Variants in CHST8 observed in about 807,000 individuals in gnomAD.
CHST8 encodes the protein GALNAC-4-ST1.
CHST8 carries 10 observed loss-of-function variants against 15.0 expected under a neutral mutation model. The observed-to-expected ratio is 0.67, with a 90% CI of 0.41 to 1.13. The LOEUF (loss-of-function observed/expected upper bound fraction) is 1.13. Among genes scored for constraint, CHST8 ranks in the 50% most tolerant of loss-of-function variants. The probability of loss-of-function intolerance (pLI) is 0.00; values close to 1 mark genes in which losing one functional copy is unlikely to be tolerated. For missense variants in CHST8, 634 were observed against 608.2 expected (o/e 1.04, Z -0.45); for synonymous variants, 259 against 256.6 (o/e 1.01, Z -0.09).
At chr19:33,687,143 C>A (rs539874574) in intron 2 of CHST8, among the ~76,000 whole-genome samples, 91 of 152,370 alleles carry the variant, frequency 6.0e-4, no homozygotes, top group South Asian at 2.7e-3. Flanking sequence ...GGGCTGGCCC[C>A]GGTGGGGCTG....
intron 3 of CHST8, among the ~76,000 whole-genome samples, chr19:33,766,206 C>A (rs1234295113): frequency 6.6e-6 from 1 of 151,980 alleles, no homozygotes; most frequent in Admixed American, 6.6e-5. Context: ...TCCTTCTCCC[C>A]TCCTCCACCT....
chr19:33,673,460 G>A (rs890656807), intron 2 of CHST8, among the ~76,000 whole-genome samples: 1 of 152,170 alleles, frequency 6.6e-6, no homozygotes, highest in Non-Finnish European at 1.5e-5. Context: ...GCCAGAGAAT[G>A]TGTAGGACAG....
Position 33,757,458 on chromosome 19 carries a change from GA to G in CHST8, c.131-13952del, listed in dbSNP as rs1568358486. On this transcript the variant is annotated intron_variant, in intron 3 of 4. Transcript: ENST00000650847. ...AGAAAGAAAGAAAGAAAGAAAGAAAGAAAGAAAGAAAGAAAGAAAGAAAGAA... is the reference window on the plus strand; with the variant it reads ...AGAAAGAAAGAAAGAAAGAAAGAAAGAAGAAAGAAAGAAAGAAAGAAAGAA... 1.4e-3 allele frequency among the ~76,000 whole-genome samples: 51 copies of G among 36,734 alleles called. 9 individuals carry two copies. Among genetic ancestry groups the G allele is most frequent in the Non-Finnish European group, 2.6e-3 (46 of 17,922 alleles). 24.1% of individuals were successfully genotyped at this position (36,734 alleles called of 152,430 possible). A position where few individuals can be genotyped will look rare whatever the true frequency, so the allele number is the denominator to read the frequency against.
intron 3 of CHST8, among the ~76,000 whole-genome samples, chr19:33,706,522 T>C (rs1290177195): frequency 1.3e-5 from 2 of 152,170 alleles, no homozygotes; most frequent in East Asian, 3.8e-4. Flanking sequence ...CAATGTCACC[T>C]GCCAGGTCAT....
In CHST8 at chr19:33,626,337, G is replaced by A. The variant is rs577836747; in HGVS notation, c.-164+4041G>A. On this transcript the variant is annotated intron_variant, in intron 1 of 4. Coordinates refer to ENST00000650847, the MANE Select transcript of CHST8 (RefSeq NM_001127895.2). Reference sequence around the variant, plus strand: ...ACTCAGCAATGCAGCCTGGGCCACCGAGAGACTGGGGAAGCCTCCGTGCAG... The same window carrying A: ...ACTCAGCAATGCAGCCTGGGCCACCAAGAGACTGGGGAAGCCTCCGTGCAG... Among the ~76,000 whole-genome samples, 5 of 152,192 alleles carry A rather than the reference G, an allele frequency of 3.3e-5. No homozygotes were observed. In the East Asian group the frequency reaches 5.8e-4, roughly 18 times the overall value.
chr19:33,703,528 G>C (rs747850531), intron 3 of CHST8, among the ~76,000 whole-genome samples: 1 of 152,234 alleles, frequency 6.6e-6, no homozygotes, highest in Admixed American at 6.5e-5. Context: ...GGCCAAATGC[G>C]TGGGTCGGTA....
chr19:33,710,699 CCAAT>C (rs1174102538), intron 3 of CHST8, among the ~76,000 whole-genome samples: 1 of 152,132 alleles, frequency 6.6e-6, no homozygotes, highest in Non-Finnish European at 1.5e-5. Context: ...ATGGAATTTT[CCAAT>C]CAATCAATGT....
In CHST8 at chr19:33,726,425, G is replaced by T. The variant is rs144603676; in HGVS notation, c.130+37034G>T. 1.3e-3 allele frequency among the ~76,000 whole-genome samples: 204 copies of T among 152,270 alleles called. 2 individuals carry two copies. In the Middle Eastern group the frequency reaches 0.027, roughly 20 times the overall value. On this transcript the variant is annotated intron_variant, in intron 3 of 4. Transcript: ENST00000650847. Reference sequence around the variant, plus strand: ...ATAATACAAAAATTAGCATGGTGGCGCATGCCTGTAGTCCCAGCTACTCAG... The same window carrying T: ...ATAATACAAAAATTAGCATGGTGGCTCATGCCTGTAGTCCCAGCTACTCAG...
At chr19:33,752,149 G>C (rs1251070655) in intron 3 of CHST8, among the ~76,000 whole-genome samples, 1 of 152,198 alleles carries the variant, frequency 6.6e-6, no homozygotes, top group African/African-American at 2.4e-5. Context: ...CCAGCTGCCT[G>C]AGCCCGGGAG....
rs1329115287 is a variant in CHST8, at chr19:33,773,358, C to T, written c.*295C>T. The stretch of plus-strand genomic sequence containing the variant: ...TTTTGATGAGCAGGGAAGTCTGAGG[C>T]CCAGAGGACGGGGGGCCCAGCGGTA... On this transcript the variant is annotated 3_prime_UTR_variant, in exon 5 of 5. Transcript: ENST00000650847. 2.3e-6 allele frequency: 1 copy of T among 440,310 alleles called. No individual in the cohort carries two copies. The highest frequency in any genetic ancestry group is 4.0e-6 in the Non-Finnish European group (1 of 247,312). 27.3% of individuals were successfully genotyped at this position (440,310 alleles called of 1,614,324 possible). A position where few individuals can be genotyped will look rare whatever the true frequency, so the allele number is the denominator to read the frequency against.
At chr19:33,623,121 C>T (rs771507221) in intron 1 of CHST8, among the ~76,000 whole-genome samples, 1 of 152,182 alleles carries the variant, frequency 6.6e-6, no homozygotes, top group Admixed American at 6.5e-5. Flanking sequence ...GACCCCGATT[C>T]CTTCTCCAGT....
intron 3 of CHST8, among the ~76,000 whole-genome samples, chr19:33,741,542 C>T (rs899068334): frequency 6.6e-5 from 10 of 152,102 alleles, no homozygotes; most frequent in Admixed American, 6.5e-4. Flanking sequence ...TACCATCATC[C>T]CACCAACATG....
chr19:33,768,313 A>G (rs2145392139), intron 3 of CHST8, among the ~76,000 whole-genome samples: 1 of 152,184 alleles, frequency 6.6e-6, no homozygotes, highest in African/African-American at 2.4e-5. Context: ...GGTGGCTCGC[A>G]CCTATAATTC....
At chr19:33,742,552 C>T (rs1974216785) in intron 3 of CHST8, among the ~76,000 whole-genome samples, 1 of 152,154 alleles carries the variant, frequency 6.6e-6, no homozygotes, top group Non-Finnish European at 1.5e-5. Flanking sequence ...GATGGCTGCA[C>T]CCCCATGACT....
At chr19:33,760,804 A>ACATTGCCTGCAAAGTCCTC (rs1203690147) in intron 3 of CHST8, among the ~76,000 whole-genome samples, 49 of 152,270 alleles carry the variant, frequency 3.2e-4, no homozygotes, top group Middle Eastern at 6.8e-3. Context: ...CAACTGTCCC[A>ACATTGCCTGCAAAGTCCTC]CATTGCCTGC....
intron 2 of CHST8, among the ~76,000 whole-genome samples, chr19:33,683,805 A>G (rs1600260028): frequency 6.6e-6 from 1 of 152,200 alleles, no homozygotes; most frequent in East Asian, 1.9e-4. Flanking sequence ...CTTTTCCCAC[A>G]GTGAGGGAAG....
intron 3 of CHST8, among the ~76,000 whole-genome samples, chr19:33,757,426 G>T (rs553765438): frequency 0.03 from 356 of 12,024 alleles, 24 homozygotes; most frequent in African/African-American, 0.043. Flanking sequence ...AAGAAAGAAA[G>T]AAAGAAAGAA....
intron 2 of CHST8, among the ~76,000 whole-genome samples, chr19:33,682,473 A>G (rs1972907790): frequency 6.6e-6 from 1 of 152,012 alleles, no homozygotes; most frequent in Non-Finnish European, 1.5e-5. Flanking sequence ...TTACATTCAC[A>G]TTGTTGGGCA....
chr19:33,631,336 G>T (rs1182694316), intron 1 of CHST8, among the ~76,000 whole-genome samples: 3 of 152,170 alleles, frequency 2.0e-5, no homozygotes, highest in Non-Finnish European at 4.4e-5. Context: ...GCTTTCGTGT[G>T]TCTGTTTGAA....
Sources: gnomAD v4.1 joint callset for allele counts (sites outside exome capture counted in the v4.1 genomes callset) on GRCh38, gnomAD v4.1.1 for gene constraint, MANE v1.5 for transcripts, NCBI Gene and HGNC (gene_info 2026-07-23, HGNC 2026-07-21) for gene names.